Variants in EDA observed in about 807,000 individuals in gnomAD.
The protein encoded by EDA is ectodysplasin-A.
Under a neutral mutation model 23.6 loss-of-function variants are expected in EDA, and 2 were observed. The observed-to-expected ratio is 0.08, with a 90% CI of 0.03 to 0.27. The LOEUF is 0.27. Ranked by LOEUF, EDA falls within the 10% of genes least tolerant of loss-of-function variation. The pLI is 1.00. For missense variants in EDA, 229 were observed against 324.2 expected (o/e 0.71, Z 2.26); for synonymous variants, 131 against 132.0 (o/e 0.99, Z 0.05).
chrX:69,720,757 C>T (rs1335131757), intron 1 of EDA, among the ~76,000 whole-genome samples: 1 of 112,283 alleles, frequency 8.9e-6, no homozygotes, highest in East Asian at 2.8e-4. Context: ...CCTTTTTCAT[C>T]TGTTTCAAGA....
chrX:69,754,450 G>T (rs775794514), intron 1 of EDA, among the ~76,000 whole-genome samples: 2 of 111,977 alleles, frequency 1.8e-5, no homozygotes, highest in East Asian at 5.6e-4. Context: ...AGTCTGATGA[G>T]CTACCCTTTG....
At chrX:69,634,890 A>G (rs1332903525) in intron 1 of EDA, among the ~76,000 whole-genome samples, 1 of 112,148 alleles carries the variant, frequency 8.9e-6, no homozygotes, top group Admixed American at 9.4e-5. Flanking sequence ...ACATTGTAGT[A>G]CAATGCATTA....
intron 1 of EDA, among the ~76,000 whole-genome samples, chrX:69,691,419 A>T (rs1934708199): frequency 8.9e-6 from 1 of 111,820 alleles, no homozygotes; most frequent in Non-Finnish European, 1.9e-5. Flanking sequence ...AAACCTTAAA[A>T]ATGACTTCTC....
intron 1 of EDA, among the ~76,000 whole-genome samples, chrX:69,767,704 A>C (rs1404813090): frequency 1.8e-5 from 2 of 111,959 alleles, no homozygotes; most frequent in Non-Finnish European, 3.8e-5. Flanking sequence ...TTGTGTACAC[A>C]TGCTTTTATT....
intron 1 of EDA, among the ~76,000 whole-genome samples, chrX:69,647,499 G>A (rs1367681101): frequency 9.0e-6 from 1 of 111,491 alleles, no homozygotes; most frequent in Admixed American, 9.5e-5. Context: ...ACTTGTGATT[G>A]CATTGTGAAG....
intron 1 of EDA, among the ~76,000 whole-genome samples, chrX:69,792,046 T>C (rs1314197892): frequency 8.9e-6 from 1 of 111,864 alleles, no homozygotes; most frequent in African/African-American, 3.3e-5. Context: ...TCTGGGATTT[T>C]GGTGTATCCA....
intron 2 of EDA, among the ~76,000 whole-genome samples, chrX:69,991,710 T>C: frequency 1.8e-5 from 2 of 111,509 alleles, no homozygotes; most frequent in Admixed American, 1.9e-4. Flanking sequence ...GGTTCAGAAA[T>C]CTCCTAGCCG....
chrX:69,649,690 G>A (rs943456787), intron 1 of EDA, among the ~76,000 whole-genome samples: 5 of 109,027 alleles, frequency 4.6e-5, no homozygotes, highest in Non-Finnish European at 7.6e-5. Context: ...AGGTTCAAGC[G>A]ATTCTCCTGT....
intron 1 of EDA, among the ~76,000 whole-genome samples, chrX:69,927,381 G>C (rs1227106015): frequency 9.0e-6 from 1 of 111,458 alleles, no homozygotes; most frequent in Non-Finnish European, 1.9e-5. Flanking sequence ...TGCTTGTCTG[G>C]AAAGGATTTT....
intron 6 of EDA, among the ~76,000 whole-genome samples, chrX:70,032,910 A>G (rs1448646711): frequency 8.9e-6 from 1 of 112,349 alleles, no homozygotes; most frequent in Non-Finnish European, 1.9e-5. Flanking sequence ...GTGGGTGTGG[A>G]AGAACCGTAA....
At chrX:69,765,828 C>T (rs1039028449) in intron 1 of EDA, among the ~76,000 whole-genome samples, 1 of 111,253 alleles carries the variant, frequency 9.0e-6, no homozygotes, top group Admixed American at 9.6e-5. Context: ...TCCATCACCA[C>T]GAAGATCTCT....
At chrX:69,981,830 G>C (rs998784327) in intron 2 of EDA, among the ~76,000 whole-genome samples, 2 of 112,151 alleles carry the variant, frequency 1.8e-5, no homozygotes, top group African/African-American at 6.5e-5. Flanking sequence ...CAACTAGTGA[G>C]TGGCAAATGC....
rs373499623 is a variant in EDA, at chrX:69,818,153, A to G, written c.397-138874A>G. Among the ~76,000 whole-genome samples the G allele has an allele frequency of 7.1e-5, 8 of 112,182 alleles. No homozygotes were observed. The East Asian group carries it at 2.0e-3, about 27-fold the overall frequency. On this transcript the variant is annotated intron_variant, in intron 1 of 7. Transcript: ENST00000374552. ...AATAATGAAATTAAAGCAGAAGTCA[A>G]GAAGTTCTTTGAAACTAATGAGAAC...
At chrX:69,922,886 T>C (rs1015627060) in intron 1 of EDA, among the ~76,000 whole-genome samples, 1 of 111,152 alleles carries the variant, frequency 9.0e-6, no homozygotes, top group African/African-American at 3.3e-5. Context: ...GCCTATAAGA[T>C]TATTGTTTTT....
At chrX:69,933,616 G>T (rs1892430) in intron 1 of EDA, among the ~76,000 whole-genome samples, 10,062 of 109,983 alleles carry the variant, frequency 0.091, 1,064 homozygotes, top group East Asian at 0.71. Context: ...GGCAGAGGTT[G>T]CAGTGAGCTG....
intron 1 of EDA, among the ~76,000 whole-genome samples, chrX:69,753,595 G>C (rs779762078): frequency 8.9e-6 from 1 of 111,816 alleles, no homozygotes; most frequent in Non-Finnish European, 1.9e-5. Flanking sequence ...TATTAGGTCT[G>C]CTTGGTGCAG....
chrX:69,874,049 G>A (rs1055315632), intron 1 of EDA, among the ~76,000 whole-genome samples: 1 of 112,190 alleles, frequency 8.9e-6, no homozygotes, highest in Non-Finnish European at 1.9e-5. Flanking sequence ...GGTAGCTCAC[G>A]CCTGTAATCC....
rs4844199 is a variant in EDA at position 69,863,032 on chromosome X, T to C, written c.397-93995T>C. On this transcript the variant is annotated intron_variant, in intron 1 of 7. Coordinates refer to ENST00000374552, the MANE Select transcript of EDA (RefSeq NM_001399.5). ...CCACCACTAGGAAAGAAAATAGATCTTTATTTTCTGAAAAAAAAAAAAAAT... is the reference window on the plus strand; with the variant it reads ...CCACCACTAGGAAAGAAAATAGATCCTTATTTTCTGAAAAAAAAAAAAAAT... Among the ~76,000 whole-genome samples the C allele has an allele frequency of 5.2e-3, 432 of 82,715 alleles. 9 individuals carry two copies. The highest frequency in any genetic ancestry group is 0.052 in the Admixed American group (397 of 7,672). 71.8% of individuals were successfully genotyped at this position (82,715 alleles called of 115,157 possible).
At chrX:69,805,507 G>C (rs2015793656) in intron 1 of EDA, among the ~76,000 whole-genome samples, 1 of 110,940 alleles carries the variant, frequency 9.0e-6, no homozygotes, top group Non-Finnish European at 1.9e-5. Context: ...ATCTTTTTTA[G>C]TTTTATTTTT....
Sources: gnomAD v4.1 joint callset for allele counts (sites outside exome capture counted in the v4.1 genomes callset) on GRCh38, gnomAD v4.1.1 for gene constraint, MANE v1.5 for transcripts, NCBI Gene and HGNC (gene_info 2026-07-23, HGNC 2026-07-21) for gene names.